The following ABI1 variants were observed in gnomAD, a reference collection of about 807,000 sequenced individuals.
ABI1 encodes abl interactor 1.
ABI1 carries 14 observed loss-of-function variants against 54.6 expected under a neutral mutation model. The ratio of observed to expected loss-of-function variants is 0.26; its 90% confidence interval spans 0.17 to 0.40. ABI1 has a LOEUF of 0.40. Among genes scored for constraint, ABI1 ranks in the 10% least tolerant of loss-of-function variants. The probability of loss-of-function intolerance (pLI) is 1.00; values close to 1 mark genes in which losing one functional copy is unlikely to be tolerated. For missense variants in ABI1, 443 were observed against 598.3 expected (o/e 0.74, Z 2.71); for synonymous variants, 194 against 209.3 (o/e 0.93, Z 0.63).
intron 2 of ABI1, among the ~76,000 whole-genome samples, chr10:26,793,006 A>G (rs1057129272): frequency 1.3e-5 from 2 of 152,190 alleles, no homozygotes; most frequent in East Asian, 3.9e-4. Context: ...CGTTCCATGG[A>G]TTTTCTACAA....
chr10:26,814,458 C>A (rs1278479897), intron 2 of ABI1, among the ~76,000 whole-genome samples: 3 of 152,134 alleles, frequency 2.0e-5, no homozygotes, highest in Admixed American at 6.5e-5. Context: ...ATGGACATTG[C>A]TAAGCACTCT....
chr10:26,850,706 T>C (rs1205889817), intron 1 of ABI1, among the ~76,000 whole-genome samples: 1 of 148,292 alleles, frequency 6.7e-6, no homozygotes, highest in African/African-American at 2.5e-5. Flanking sequence ...AGGTTTTCAG[T>C]GAGTGGGTGG....
chr10:26,778,004 G>C (rs1427868408), intron 2 of ABI1, among the ~76,000 whole-genome samples: 1 of 151,960 alleles, frequency 6.6e-6, no homozygotes, highest in African/African-American at 2.4e-5. Flanking sequence ...TCATTTAATG[G>C]CTTTACAGAG....
At chr10:26,828,478 C>T (rs955195329) in intron 1 of ABI1, among the ~76,000 whole-genome samples, 3 of 152,018 alleles carry the variant, frequency 2.0e-5, no homozygotes, top group African/African-American at 7.3e-5. Context: ...GTCTGCAAAG[C>T]GCAGTAAAGC....
At chr10:26,836,859 C>T (rs1014022884) in intron 1 of ABI1, among the ~76,000 whole-genome samples, 1 of 152,120 alleles carries the variant, frequency 6.6e-6, no homozygotes. Context: ...GCCAAATACA[C>T]CCTAAATGAT....
intron 1 of ABI1, among the ~76,000 whole-genome samples, chr10:26,850,124 C>A (rs1373354152): frequency 1.3e-5 from 2 of 152,110 alleles, no homozygotes; most frequent in African/African-American, 4.8e-5. Flanking sequence ...ACAAAATGAA[C>A]AGATTAACTG....
intron 2 of ABI1, among the ~76,000 whole-genome samples, chr10:26,806,055 T>C (rs1252564030): frequency 6.6e-6 from 1 of 152,230 alleles, no homozygotes; most frequent in African/African-American, 2.4e-5. Context: ...CTGGAATGCA[T>C]CTATACTCCG....
intron 2 of ABI1, among the ~76,000 whole-genome samples, chr10:26,800,112 A>C (rs2046449847): frequency 6.6e-6 from 1 of 152,102 alleles, no homozygotes; most frequent in African/African-American, 2.4e-5. Context: ...GGCCGGGCGC[A>C]GTGGCTCAAG....
chr10:26,860,793 T>G lies in ABI1; in HGVS notation c.71A>C (p.Gln24Pro), dbSNP rs2051249996. ...SGKRALIESY[Q>P]NLTRVADYCE... ...GTAGTCTGCCACCCGAGTCAGGTTCTGGTAACTCTCGATCAGCGCCCTCTT... is the reference window on the plus strand; with the variant it reads ...GTAGTCTGCCACCCGAGTCAGGTTCGGGTAACTCTCGATCAGCGCCCTCTT... The change falls in exon 1 of 11, where the codon CAG becomes CCG. Residue 24 changes from glutamine (Q) to proline (P), a missense_variant. By Grantham distance (76) the Gln-to-Pro change is moderately conservative. Transcript: ENST00000376140. This position sits in a 1 kb window ranked among gnomAD's most constrained non-coding sequence, Gnocchi z 4.1. 2 of 1,614,200 alleles carry G rather than the reference T, an allele frequency of 1.2e-6. No individual in the cohort carries two copies. Among genetic ancestry groups the G allele is most frequent in the Non-Finnish European group, 1.7e-6 (2 of 1,180,040 alleles).
In ABI1 at chr10:26,860,261, G is replaced by A. The variant is rs1329363442; in HGVS notation, c.117+486C>T. On this transcript the variant is annotated intron_variant, in intron 1 of 10. Coordinates refer to ENST00000376140, the MANE Select transcript of ABI1 (RefSeq NM_001012750.3). This position sits in a 1 kb window ranked among gnomAD's most constrained non-coding sequence, Gnocchi z 4.1. ...TCCGCCGACACACAACACACACCCCGCTGGTCCTCTCCCTTCTGCGGCTTC... is the reference window on the plus strand; with the variant it reads ...TCCGCCGACACACAACACACACCCCACTGGTCCTCTCCCTTCTGCGGCTTC... Among the ~76,000 whole-genome samples, 1 of 151,822 alleles carries A rather than the reference G, an allele frequency of 6.6e-6. No individual in the cohort carries two copies. The highest frequency in any genetic ancestry group is 2.4e-5 in the African/African-American group (1 of 41,408).
At chr10:26,779,472 T>C (rs962609316) in intron 2 of ABI1, among the ~76,000 whole-genome samples, 1 of 152,204 alleles carries the variant, frequency 6.6e-6, no homozygotes, top group Non-Finnish European at 1.5e-5. Context: ...CTAAGATTTG[T>C]CTAGAAGAGG....
intron 3 of ABI1, among the ~76,000 whole-genome samples, chr10:26,773,111 TA>T (rs1840911973): frequency 6.6e-6 from 1 of 152,044 alleles, no homozygotes; most frequent in Non-Finnish European, 1.5e-5. Flanking sequence ...TGAGTAATTT[TA>T]CCATTTGCCT....
At position 26,765,334 on chromosome 10, in the gene ABI1, A is replaced by T; in HGVS notation, c.720-16T>A. 6.5e-7 allele frequency: 1 copy of T among 1,540,476 alleles called. No individual in the cohort carries two copies. Among genetic ancestry groups the T allele is most frequent in the Non-Finnish European group, 8.8e-7 (1 of 1,140,736 alleles). ...ACTACTTCCACTGAAAAGAAAAAAAAAAACTGTGAAAAACCAATTCTAGAG... is the reference window on the plus strand; with the variant it reads ...ACTACTTCCACTGAAAAGAAAAAAATAAACTGTGAAAAACCAATTCTAGAG... On this transcript the variant is annotated splice_polypyrimidine_tract_variant and intron_variant, in intron 6 of 10. Transcript: ENST00000376140.
intron 3 of ABI1, 130 bp downstream of exon 3, chr10:26,776,935 A>C: frequency 1.2e-6 from 1 of 828,516 alleles, no homozygotes; most frequent in Non-Finnish European, 1.8e-6. Flanking sequence ...TTCATATTAA[A>C]TATTGTATGA....
chr10:26,850,677 A>G (rs1349224076), intron 1 of ABI1, among the ~76,000 whole-genome samples: 1 of 151,898 alleles, frequency 6.6e-6, no homozygotes, highest in African/African-American at 2.4e-5. Context: ...AAAAAAAAGA[A>G]AAGAAAAGAA....
intron 8 of ABI1, among the ~76,000 whole-genome samples, chr10:26,757,673 T>C (rs1205907829): frequency 2.6e-5 from 4 of 152,220 alleles, no homozygotes; most frequent in African/African-American, 4.8e-5. Flanking sequence ...AAAAAAGCTA[T>C]ATAAATTTTG....
At chr10:26,857,105 A>C (rs963661282) in intron 1 of ABI1, among the ~76,000 whole-genome samples, 6 of 152,044 alleles carry the variant, frequency 3.9e-5, no homozygotes, top group Non-Finnish European at 8.8e-5. Context: ...AGATCACCTA[A>C]GGTCAGGAGT....
intron 8 of ABI1, among the ~76,000 whole-genome samples, chr10:26,758,823 T>C (rs1838715767): frequency 6.6e-6 from 1 of 152,232 alleles, no homozygotes; most frequent in Non-Finnish European, 1.5e-5. Flanking sequence ...ATACTCAATA[T>C]AGACACGTCT....
At chr10:26,805,133 C>A (rs1033892433) in intron 2 of ABI1, among the ~76,000 whole-genome samples, 6 of 152,146 alleles carry the variant, frequency 3.9e-5, no homozygotes, top group African/African-American at 1.4e-4. Flanking sequence ...GCTGTGTCTG[C>A]AACACTTCAA....
Sources: allele counts gnomAD v4.1 joint callset (sites outside exome capture counted in the v4.1 genomes callset), GRCh38; gene constraint gnomAD v4.1.1; non-coding constraint Gnocchi (gnomAD v3.1); transcripts MANE v1.5; gene names NCBI Gene and HGNC (gene_info 2026-07-23, HGNC 2026-07-21).